Variants in TMCC1 observed in about 807,000 individuals in gnomAD.
The protein encoded by TMCC1 is transmembrane and coiled-coil domains protein 1.
TMCC1 carries 15 observed loss-of-function variants against 52.4 expected under a neutral mutation model. That is an observed-to-expected ratio of 0.29 (90% CI 0.19 to 0.44). The LOEUF is 0.44. TMCC1 is among the 20% of genes least tolerant of loss of function. TMCC1 has a pLI of 1.00. For missense variants in TMCC1, 503 were observed against 806.0 expected (o/e 0.62, Z 4.55); for synonymous variants, 279 against 301.9 (o/e 0.92, Z 0.79).
intron 4 of TMCC1, among the ~76,000 whole-genome samples, chr3:129,794,036 C>T (rs2056648464): frequency 1.3e-5 from 2 of 152,212 alleles, no homozygotes; most frequent in South Asian, 2.1e-4. Context: ...ACAATTATCT[C>T]TTTCACACAC....
At chr3:129,776,616 G>T (rs559022383) in intron 4 of TMCC1, among the ~76,000 whole-genome samples, 113 of 152,258 alleles carry the variant, frequency 7.4e-4, no homozygotes, top group African/African-American at 2.6e-3. Flanking sequence ...TGGTATACAA[G>T]AATATTCCTT....
chr3:129,824,722 T>C (rs2058582598), intron 4 of TMCC1, among the ~76,000 whole-genome samples: 1 of 152,196 alleles, frequency 6.6e-6, no homozygotes. Flanking sequence ...TTATGCCCAC[T>C]GTTCCAGTTC....
chr3:129,654,824 A>ATT, intron 6 of TMCC1, 144 bp downstream of exon 6: 1 of 1,182,290 alleles, frequency 8.5e-7, no homozygotes, highest in Non-Finnish European at 1.2e-6. Flanking sequence ...CATCTCAATC[A>ATT]TTTTAAGAGT....
intron 4 of TMCC1, among the ~76,000 whole-genome samples, chr3:129,694,243 C>T (rs747894319): frequency 5.3e-5 from 8 of 152,218 alleles, no homozygotes; most frequent in South Asian, 2.1e-4. Context: ...TGAATCCTTA[C>T]GAAAACGTCC....
chr3:129,817,015 G>A (rs1390004339), intron 4 of TMCC1, among the ~76,000 whole-genome samples: 4 of 151,868 alleles, frequency 2.6e-5, no homozygotes, highest in African/African-American at 9.7e-5. Flanking sequence ...GTGACAGAGC[G>A]AGAGCCTGTC....
At position 129,650,265 on chromosome 3, in the gene TMCC1, C is replaced by T. The variant is rs759457810; in HGVS notation, c.*1216G>A. On this transcript the variant is annotated 3_prime_UTR_variant, in exon 7 of 7. Transcript: ENST00000393238. ...CCCCAGCCCAAGATCACTGGGTGAA[C>T]GTTTTCTTGGGGCAAAAAAAAAAAA... The T allele has an allele frequency of 8.8e-6, 1 of 113,742 alleles. No individual in the cohort carries two copies. The highest frequency in any genetic ancestry group is 1.9e-5 in the Non-Finnish European group (1 of 53,648). The allele number at this position is 113,742 out of a possible 1,614,324, so 7.0% of individuals were successfully genotyped here.
intron 4 of TMCC1, among the ~76,000 whole-genome samples, chr3:129,750,907 T>C (rs765567090): frequency 2.4e-4 from 36 of 150,440 alleles, no homozygotes; most frequent in Middle Eastern, 6.8e-3. Flanking sequence ...TACATAAGAA[T>C]TAAGAAAAAA....
chr3:129,788,619 C>T (rs923383587), intron 4 of TMCC1, among the ~76,000 whole-genome samples: 10 of 151,940 alleles, frequency 6.6e-5, no homozygotes, highest in South Asian at 2.1e-4. Flanking sequence ...CCCGCCACCA[C>T]GCCCGGCTAA....
At chr3:129,668,040 G>A (rs758728753) in intron 5 of TMCC1, among the ~76,000 whole-genome samples, 2 of 152,028 alleles carry the variant, frequency 1.3e-5, no homozygotes, top group African/African-American at 2.4e-5. Context: ...ATTAAAAAAC[G>A]AGCCAAGCGT....
At chr3:129,673,304 T>G (rs2088122424) in intron 4 of TMCC1, among the ~76,000 whole-genome samples, 2 of 152,152 alleles carry the variant, frequency 1.3e-5, no homozygotes, top group South Asian at 4.1e-4. Flanking sequence ...TCCACTTTAT[T>G]CAGTGCCCAA....
intron 2 of TMCC1, among the ~76,000 whole-genome samples, chr3:129,868,732 G>A (rs994676130): frequency 9.9e-5 from 15 of 152,140 alleles, no homozygotes; most frequent in African/African-American, 3.6e-4. Context: ...GAGCCACTGC[G>A]CCCAGCCTAG....
intron 4 of TMCC1, among the ~76,000 whole-genome samples, chr3:129,706,142 C>T (rs1209871692): frequency 6.6e-5 from 10 of 150,974 alleles, no homozygotes; most frequent in African/African-American, 1.5e-4. Context: ...CCACCCACCT[C>T]GGCCTCCCAA....
At position 129,840,639 on chromosome 3, in the gene TMCC1, C is replaced by T. The variant is rs189646702; in HGVS notation, c.-183-7813G>A. 8.9e-3 allele frequency among the ~76,000 whole-genome samples: 1,355 copies of T among 152,150 alleles called. 11 individuals carry two copies. The highest frequency in any genetic ancestry group is 0.015 in the Non-Finnish European group (1,022 of 67,996). On this transcript the variant is annotated intron_variant, in intron 2 of 6. Transcript: ENST00000393238. ...GGCGACTGGATCACGGGGGTGGTTT[C>T]CCCCTGTTCTTGTGATAATGAGTTC...
chr3:129,657,633 C>G (rs2086750355), intron 5 of TMCC1, among the ~76,000 whole-genome samples: 1 of 152,328 alleles, frequency 6.6e-6, no homozygotes, highest in Middle Eastern at 3.4e-3. Context: ...CGATCCAAAT[C>G]ACTTAGCAAA....
intron 2 of TMCC1, chr3:129,857,270 T>C (rs2107919917): frequency 6.6e-6 from 1 of 152,212 alleles, no homozygotes; most frequent in South Asian, 2.1e-4. Context: ...GAGAGTCCAG[T>C]AGCGGTGGGG....
At chr3:129,663,366 C>T (rs2087191424) in intron 5 of TMCC1, among the ~76,000 whole-genome samples, 4 of 152,202 alleles carry the variant, frequency 2.6e-5, no homozygotes, top group African/African-American at 9.6e-5. Flanking sequence ...CCACAGGCAA[C>T]TATGGGAGAA....
chr3:129,761,327 CAAAAAAAAAAA>C (rs59160769), intron 4 of TMCC1, among the ~76,000 whole-genome samples: 1 of 61,230 alleles, frequency 1.6e-5, no homozygotes, highest in African/African-American at 6.0e-5. Context: ...GACTCCGTCT[CAAAAAAAAAAA>C]AAAAAAAAAA....
intron 4 of TMCC1, among the ~76,000 whole-genome samples, chr3:129,684,427 A>G (rs2089255466): frequency 6.6e-6 from 1 of 152,228 alleles, no homozygotes; most frequent in Non-Finnish European, 1.5e-5. Flanking sequence ...GGGAGAGACT[A>G]CGGGCAGTAC....
chr3:129,863,432 C>T (rs1375561956), intron 2 of TMCC1, among the ~76,000 whole-genome samples: 1 of 152,204 alleles, frequency 6.6e-6, no homozygotes, highest in African/African-American at 2.4e-5. Flanking sequence ...TCTCCCAACT[C>T]TGTTCTATAA....
Sources: gnomAD v4.1 joint callset for allele counts (sites outside exome capture counted in the v4.1 genomes callset) on GRCh38, gnomAD v4.1.1 for gene constraint, MANE v1.5 for transcripts, NCBI Gene and HGNC (gene_info 2026-07-23, HGNC 2026-07-21) for gene names.